The following MYO1E variants were observed in gnomAD, a reference collection of about 807,000 sequenced individuals.
MYO1E encodes unconventional myosin-Ie.
In MYO1E, 68 loss-of-function variants were observed where a neutral mutation model predicts 151.1. The observed-to-expected ratio is 0.45, with a 90% CI of 0.37 to 0.55. The LOEUF is 0.55. MYO1E is among the 20% of genes least tolerant of loss of function. The pLI is 0.00. For missense variants in MYO1E, 1,363 were observed against 1,389.3 expected (o/e 0.98, Z 0.30); for synonymous variants, 601 against 501.7 (o/e 1.20, Z -2.64).
intron 26 of MYO1E, among the ~76,000 whole-genome samples, chr15:59,147,490 G>A (rs1299483242): frequency 6.8e-6 from 1 of 147,564 alleles, no homozygotes; most frequent in African/African-American, 2.5e-5. Flanking sequence ...TGCTTGCGAG[G>A]TTGAGGCATG....
At chr15:59,173,488 T>C (rs2079607421) in intron 21 of MYO1E, among the ~76,000 whole-genome samples, 1 of 152,232 alleles carries the variant, frequency 6.6e-6, no homozygotes, top group African/African-American at 2.4e-5. Flanking sequence ...ATGTAATGTA[T>C]ATCTCATTTT....
intron 1 of MYO1E, among the ~76,000 whole-genome samples, chr15:59,368,199 G>C (rs2080925163): frequency 6.6e-6 from 1 of 152,196 alleles, no homozygotes; most frequent in Non-Finnish European, 1.5e-5. Context: ...AAGATAATTT[G>C]GTAATATGGT....
At chr15:59,173,560 C>T (rs1404412213) in intron 21 of MYO1E, among the ~76,000 whole-genome samples, 186 bp downstream of exon 21, 1 of 152,138 alleles carries the variant, frequency 6.6e-6, no homozygotes, top group Non-Finnish European at 1.5e-5. Flanking sequence ...TATGGATATA[C>T]ACAGAATGTT....
intron 1 of MYO1E, among the ~76,000 whole-genome samples, chr15:59,345,228 T>C (rs1300314684): frequency 1.3e-5 from 2 of 150,622 alleles, no homozygotes; most frequent in African/African-American, 4.9e-5. Context: ...AGACAGGCAG[T>C]TGAAGTATTT....
At position 59,350,207 on chromosome 15, in the gene MYO1E, T is replaced by TG. The variant is rs1173279219; in HGVS notation, c.3+22290dup. On this transcript the variant is annotated intron_variant, in intron 1 of 27. Transcript: ENST00000288235. This position sits in a 1 kb window ranked among gnomAD's most constrained non-coding sequence, Gnocchi z 5.0. ...TTCTACTCAGTTCCAGGAAACAATGTGGGGAGGAGGGCCTCCTTCCCTGAT... is the reference window on the plus strand; with the variant it reads ...TTCTACTCAGTTCCAGGAAACAATGTGGGGGAGGAGGGCCTCCTTCCCTGAT... Among the ~76,000 whole-genome samples the TG allele has an allele frequency of 6.6e-6, 1 of 152,240 alleles. No homozygotes were observed. Among genetic ancestry groups the TG allele is most frequent in the Non-Finnish European group, 1.5e-5 (1 of 68,046 alleles).
At chr15:59,206,978 G>A (rs1411066901) in intron 14 of MYO1E, 2 of 1,614,168 alleles carry the variant, frequency 1.2e-6, no homozygotes, top group Non-Finnish European at 1.7e-6. Flanking sequence ...GCCAGCCAGA[G>A]AGTGAGCTCG....
rs74784184 is a variant in MYO1E, at chr15:59,316,000, C to T, written c.4-43551G>A. Among the ~76,000 whole-genome samples, 66 of 152,198 alleles carry T rather than the reference C, an allele frequency of 4.3e-4. 1 individual carries two copies. In the East Asian group the frequency reaches 0.012, roughly 28 times the overall value. ...AGGAATACTTTTGCACTGAGGCACC[C>T]GTGGGCCAACAAGTACCAGAGTGGT... is the stretch of plus-strand genomic sequence containing the variant. On this transcript the variant is annotated intron_variant, in intron 1 of 27. Transcript: ENST00000288235.
At chr15:59,233,661 TAAAAAAAA>T (rs11285934) in intron 5 of MYO1E, among the ~76,000 whole-genome samples, 1 of 78,376 alleles carries the variant, frequency 1.3e-5, no homozygotes. Flanking sequence ...AGACTCCGTC[TAAAAAAAA>T]AAAAAAAAAA....
At chr15:59,284,133 G>T (rs1038204617) in intron 1 of MYO1E, among the ~76,000 whole-genome samples, 14 of 152,234 alleles carry the variant, frequency 9.2e-5, no homozygotes, top group African/African-American at 3.4e-4. Flanking sequence ...CCACCAGGGT[G>T]GTGCCTGGGG....
In MYO1E at chr15:59,283,915, T is replaced by C. The variant is rs1348532254; in HGVS notation, c.4-11466A>G. Among the ~76,000 whole-genome samples, 3 of 152,250 alleles carry C rather than the reference T, an allele frequency of 2.0e-5. No homozygotes were observed. The East Asian group carries it at 5.8e-4, about 29-fold the overall frequency. On this transcript the variant is annotated intron_variant, in intron 1 of 27. Transcript: ENST00000288235. ...ATGTGTCACGTATCAACTTCTTTCA[T>C]CTGCCCAATGACACCACCAAGTACT...
chr15:59,171,599 T>C (rs532760823), intron 22 of MYO1E, among the ~76,000 whole-genome samples: 2 of 152,336 alleles, frequency 1.3e-5, no homozygotes, highest in Admixed American at 6.5e-5. Flanking sequence ...AATTATTCTC[T>C]GAGGTGTTCC....
intron 1 of MYO1E, among the ~76,000 whole-genome samples, chr15:59,318,314 A>G (rs762795578): frequency 1.3e-5 from 2 of 152,180 alleles, no homozygotes; most frequent in Admixed American, 6.5e-5. Context: ...AAATGCTTCA[A>G]TGTCTTGCCC....
intron 21 of MYO1E, 80 bp from the exon 22 acceptor site, chr15:59,172,122 C>G (rs979008266): frequency 2.0e-6 from 3 of 1,524,530 alleles, no homozygotes; most frequent in African/African-American, 2.7e-5. Flanking sequence ...TTTCGGAGGC[C>G]GAGGCGGGTG....
intron 4 of MYO1E, among the ~76,000 whole-genome samples, chr15:59,244,875 T>C (rs1267037991): frequency 1.3e-5 from 2 of 152,204 alleles, no homozygotes; most frequent in African/African-American, 4.8e-5. Flanking sequence ...GGGTAATATA[T>C]TAATTAGGCA....
rs2079979629 is a variant in MYO1E at position 59,224,841 on chromosome 15, A to G, written c.643-18T>C. 1.2e-6 allele frequency: 2 copies of G among 1,614,160 alleles called. No homozygotes were observed. Among genetic ancestry groups the G allele is most frequent in the African/African-American group, 2.7e-5 (2 of 75,068 alleles). Reference sequence around the variant, plus strand: ...TCGATGAGCTGGAGCAAGAGAACACAGGTTGAGCCATGATGTGGACCACAA... The same window carrying G: ...TCGATGAGCTGGAGCAAGAGAACACGGGTTGAGCCATGATGTGGACCACAA... On this transcript the variant is annotated intron_variant, in intron 7 of 27. Transcript: ENST00000288235.
rs1261053952 is a variant in MYO1E at position 59,138,251 on chromosome 15, T to A, written c.3197A>T (p.Asp1066Val). 7.4e-6 allele frequency: 12 copies of A among 1,614,110 alleles called. No homozygotes were observed. The highest frequency in any genetic ancestry group is 7.6e-6 in the Non-Finnish European group (9 of 1,180,048). The change falls in exon 27 of 28, where the codon GAC becomes GTC. Residue 1066 changes from aspartate (D) to valine (V), a missense_variant. Physicochemically the swap from Asp to Val is radical, Grantham distance 152. Coordinates refer to ENST00000288235, the MANE Select transcript of MYO1E (RefSeq NM_004998.4). The part of the protein sequence containing the change: ...CKALYAYDAQ[D>V]TDELSFNAND... ...GGCATTAAAGCTGAGTTCGTCTGTG[T>A]CCTGAGCGTCATAGGCATACAAAGC...
At chr15:59,281,310 C>G (rs1183811061) in intron 1 of MYO1E, among the ~76,000 whole-genome samples, 1 of 149,272 alleles carries the variant, frequency 6.7e-6, no homozygotes, top group Non-Finnish European at 1.5e-5. Flanking sequence ...GAGTCTTGCT[C>G]TGTCACCTAG....
intron 1 of MYO1E, among the ~76,000 whole-genome samples, chr15:59,317,811 A>G (rs779172833): frequency 1.3e-4 from 20 of 152,050 alleles, no homozygotes; most frequent in Non-Finnish European, 2.8e-4. Context: ...CGAGGGCGTG[A>G]AACAGTCAGG....
chr15:59,206,152 T>C (rs1233578465), intron 14 of MYO1E, among the ~76,000 whole-genome samples: 1 of 152,108 alleles, frequency 6.6e-6, no homozygotes. Context: ...ATGGGCTTTA[T>C]AAGAACACCA....
Sources: gnomAD v4.1 joint callset for allele counts (sites outside exome capture counted in the v4.1 genomes callset) on GRCh38, gnomAD v4.1.1 for gene constraint, Gnocchi (gnomAD v3.1) non-coding constraint, MANE v1.5 for transcripts, NCBI Gene and HGNC (gene_info 2026-07-23, HGNC 2026-07-21) for gene names.